Variants in KYNU observed in about 807,000 individuals in gnomAD.
The protein encoded by KYNU is kynureninase, also known as L-kynurenine hydrolase.
In KYNU, 54 loss-of-function variants were observed where a neutral mutation model predicts 59.2. The ratio of observed to expected loss-of-function variants is 0.91; its 90% confidence interval spans 0.73 to 1.14. The LOEUF (loss-of-function observed/expected upper bound fraction) is 1.14, where lower values mean the gene tolerates loss of function less well. Among genes scored for constraint, KYNU ranks in the 50% most tolerant of loss-of-function variants. The pLI, the probability that KYNU is intolerant of heterozygous loss-of-function variation, is 0.00. For synonymous variants in KYNU, 177 were observed against 192.0 expected (o/e 0.92, Z 0.65); for missense variants, 567 against 554.4 (o/e 1.02, Z -0.23).
rs1199910652 is a variant in KYNU at position 143,042,630 on chromosome 2, A to ATGTG, written c.*474_*477dup. On this transcript the variant is annotated 3_prime_UTR_variant, in exon 14 of 14. Coordinates refer to ENST00000264170, the MANE Select transcript of KYNU (RefSeq NM_003937.3). ...TATATATATATATATATATATATAT[A>ATGTG]TGTGTGTGTGTGTGTGTGTATATAT... 70 of 118,048 alleles carry ATGTG rather than the reference A, an allele frequency of 5.9e-4. No homozygotes were observed. Among genetic ancestry groups the ATGTG allele is most frequent in the East Asian group, 9.5e-4 (4 of 4,220 alleles). 7.3% of individuals were successfully genotyped at this position (118,048 alleles called of 1,614,324 possible).
At chr2:142,888,988 G>A (rs1008887995) in intron 2 of KYNU, among the ~76,000 whole-genome samples, 1 of 151,348 alleles carries the variant, frequency 6.6e-6, no homozygotes, top group Non-Finnish European at 1.5e-5. Flanking sequence ...ATATGGTGAG[G>A]TGCCATCTGA....
chr2:143,007,672 C>T (rs1372235477), intron 10 of KYNU, among the ~76,000 whole-genome samples: 1 of 117,350 alleles, frequency 8.5e-6, no homozygotes, highest in Non-Finnish European at 1.7e-5. Flanking sequence ...GTCGGGTTAC[C>T]GTCAAAGGGA....
chr2:143,038,561 G>A (rs1686951550), intron 12 of KYNU, among the ~76,000 whole-genome samples: 2 of 152,136 alleles, frequency 1.3e-5, no homozygotes, highest in African/African-American at 4.8e-5. Flanking sequence ...GGGAGCTTAT[G>A]AAGCCAAGAT....
intron 4 of KYNU, among the ~76,000 whole-genome samples, chr2:142,949,104 G>A (rs765905536): frequency 1.7e-4 from 26 of 152,146 alleles, no homozygotes; most frequent in Non-Finnish European, 3.5e-4. Flanking sequence ...TCCATGTCTC[G>A]CATCTGGGTC....
rs562382777 is a variant in KYNU at position 142,960,440 on chromosome 2, C to A, written c.583-184C>A. Reference sequence around the variant, plus strand: ...AAAACACTTTTTACTTTTTAATTATCATTTCTTAATAATAAAAATTATGCT... The same window carrying A: ...AAAACACTTTTTACTTTTTAATTATAATTTCTTAATAATAAAAATTATGCT... On this transcript the variant is annotated intron_variant, in intron 7 of 13. Coordinates refer to ENST00000264170, the MANE Select transcript of KYNU (RefSeq NM_003937.3). Among the ~76,000 whole-genome samples the A allele has an allele frequency of 9.2e-5, 14 of 152,022 alleles. No individual in the cohort carries two copies. In the South Asian group the frequency reaches 2.7e-3, roughly 29 times the overall value.
intron 2 of KYNU, among the ~76,000 whole-genome samples, chr2:142,889,613 A>T (rs1681636194): frequency 6.6e-6 from 1 of 152,194 alleles, no homozygotes; most frequent in Non-Finnish European, 1.5e-5. Context: ...ACTGTATTTT[A>T]GAATACTATG....
At chr2:142,970,894 G>T (rs774573022) in intron 8 of KYNU, among the ~76,000 whole-genome samples, 1 of 151,824 alleles carries the variant, frequency 6.6e-6, no homozygotes, top group African/African-American at 2.4e-5. Flanking sequence ...GTGCCTCCTT[G>T]TCTTCCTTTT....
intron 2 of KYNU, among the ~76,000 whole-genome samples, chr2:142,903,161 G>C (rs968795370): frequency 1.1e-4 from 16 of 152,130 alleles, no homozygotes; most frequent in Admixed American, 3.3e-4. Flanking sequence ...TAGGAGTAGG[G>C]CTTTTAGGTC....
At chr2:142,878,586 G>GA (rs1558895910) in intron 1 of KYNU, among the ~76,000 whole-genome samples, 1 of 152,266 alleles carries the variant, frequency 6.6e-6, no homozygotes, top group East Asian at 1.9e-4. Context: ...GTGAAACTGT[G>GA]TAAAGATTAA....
At chr2:143,003,994 T>A (rs1685790047) in intron 10 of KYNU, among the ~76,000 whole-genome samples, 1 of 152,224 alleles carries the variant, frequency 6.6e-6, no homozygotes, top group African/African-American at 2.4e-5. Context: ...TTGATTAAGA[T>A]CTTCCATGAA....
intron 10 of KYNU, among the ~76,000 whole-genome samples, chr2:143,021,820 T>G (rs1686417353): frequency 6.6e-6 from 1 of 152,120 alleles, no homozygotes; most frequent in Non-Finnish European, 1.5e-5. Flanking sequence ...ACAATCCACA[T>G]TATATCAACT....
At chr2:143,024,479 C>T (rs1164172573) in intron 10 of KYNU, among the ~76,000 whole-genome samples, 1 of 151,944 alleles carries the variant, frequency 6.6e-6, no homozygotes, top group Non-Finnish European at 1.5e-5. Flanking sequence ...TGATCAATAC[C>T]AGTAAAACTT....
At chr2:142,943,943 G>A (rs898804922) in intron 4 of KYNU, among the ~76,000 whole-genome samples, 1 of 152,126 alleles carries the variant, frequency 6.6e-6, no homozygotes, top group East Asian at 1.9e-4. Context: ...TATGAGACCC[G>A]TAATGAACCC....
intron 4 of KYNU, among the ~76,000 whole-genome samples, chr2:142,930,027 T>C (rs1305432697): frequency 6.6e-6 from 1 of 152,222 alleles, no homozygotes; most frequent in Non-Finnish European, 1.5e-5. Flanking sequence ...GTAGGGCCAC[T>C]CAAAGTATGT....
chr2:142,943,883 A>G (rs1313603145), intron 4 of KYNU, among the ~76,000 whole-genome samples: 2 of 152,188 alleles, frequency 1.3e-5, no homozygotes, highest in African/African-American at 4.8e-5. Context: ...CCAAATCCAC[A>G]ATAACATTTG....
intron 8 of KYNU, among the ~76,000 whole-genome samples, chr2:142,961,393 A>T (rs1050998631): frequency 1.4e-5 from 2 of 145,324 alleles, no homozygotes; most frequent in African/African-American, 5.1e-5. Context: ...TGCCATTGGT[A>T]CTCAGCTGGT....
chr2:143,038,900 G>A (rs1387273112), intron 12 of KYNU, among the ~76,000 whole-genome samples: 1 of 152,156 alleles, frequency 6.6e-6, no homozygotes, highest in Non-Finnish European at 1.5e-5. Context: ...CTTTGCTCAT[G>A]ACACAGAAAA....
At chr2:143,008,188 G>T (rs1332554326) in intron 10 of KYNU, among the ~76,000 whole-genome samples, 1 of 107,364 alleles carries the variant, frequency 9.3e-6, no homozygotes, top group Non-Finnish European at 1.8e-5. Context: ...ACACACATAG[G>T]CTCAAAATAA....
intron 8 of KYNU, among the ~76,000 whole-genome samples, chr2:142,984,787 C>T (rs1165718845): frequency 6.6e-6 from 1 of 152,022 alleles, no homozygotes; most frequent in African/African-American, 2.4e-5. Context: ...GTACCGCTGC[C>T]TTGGCTCCTG....
Sources: gnomAD v4.1 joint callset for allele counts (sites outside exome capture counted in the v4.1 genomes callset) on GRCh38, gnomAD v4.1.1 for gene constraint, MANE v1.5 for transcripts, NCBI Gene and HGNC (gene_info 2026-07-23, HGNC 2026-07-21) for gene names.